GPM6A: variants seen among roughly 807,000 people sequenced by gnomAD.
GPM6A encodes the protein neuronal membrane glycoprotein M6-a.
Under a neutral mutation model 32.1 loss-of-function variants are expected in GPM6A, and 7 were observed. The observed-to-expected ratio is 0.22, with a 90% CI of 0.12 to 0.41. The LOEUF (loss-of-function observed/expected upper bound fraction) is 0.41, where lower values mean the gene tolerates loss of function less well. Ranked by LOEUF, GPM6A falls within the 10% of genes least tolerant of loss-of-function variation. The pLI, the probability that GPM6A is intolerant of heterozygous loss-of-function variation, is 1.00. For missense variants in GPM6A, 235 were observed against 347.2 expected, an observed-to-expected ratio of 0.68 and a Z score of 2.57; for synonymous variants, 130 against 123.4, an observed-to-expected ratio of 1.05 and a Z score of -0.35.
intron 1 of GPM6A, among the ~76,000 whole-genome samples, chr4:175,861,597 C>G (rs1049394748): frequency 1.3e-5 from 2 of 151,460 alleles, no homozygotes; most frequent in African/African-American, 4.8e-5. Context: ...ACTAAAAATA[C>G]AAAAATTAAC....
chr4:175,816,992 T>C (rs2111342392), upstream of GPM6A, among the ~76,000 whole-genome samples: 1 of 152,232 alleles, frequency 6.6e-6, no homozygotes, highest in African/African-American at 2.4e-5. Flanking sequence ...CCCGAGGAGC[T>C]GGGACTACAC....
At chr4:175,948,254 G>A (rs909691636) in intron 1 of GPM6A, among the ~76,000 whole-genome samples, 2 of 152,152 alleles carry the variant, frequency 1.3e-5, no homozygotes, top group Non-Finnish European at 2.9e-5. Context: ...GTATTAAGAG[G>A]TGAGACCTTT....
At chr4:175,846,947 A>T (rs1439294060) in intron 1 of GPM6A, among the ~76,000 whole-genome samples, 1 of 152,150 alleles carries the variant, frequency 6.6e-6, no homozygotes, top group Non-Finnish European at 1.5e-5. Flanking sequence ...GAGGTCAAAA[A>T]CAAATAAGAA....
intron 3 of GPM6A, among the ~76,000 whole-genome samples, chr4:175,655,285 G>A (rs867108009): frequency 6.6e-6 from 1 of 151,994 alleles, no homozygotes; most frequent in Non-Finnish European, 1.5e-5. Context: ...TCAGGGTGTA[G>A]CAGTTCACTA....
rs1049477880 is a variant in GPM6A, at chr4:175,745,482, A to G, written c.38-43715T>C. ...GTTAAACAAACATTTGTTGCCCACC[A>G]TGTGCCAAGCATTGGGCTGGATGCT... On this transcript the variant is annotated intron_variant, in intron 1 of 6. Coordinates refer to ENST00000393658, the MANE Select transcript of GPM6A (RefSeq NM_201591.3). 7.9e-5 allele frequency among the ~76,000 whole-genome samples: 12 copies of G among 152,310 alleles called. No homozygotes were observed. In the East Asian group the frequency reaches 1.9e-3, roughly 24 times the overall value.
intron 1 of GPM6A, among the ~76,000 whole-genome samples, chr4:175,765,383 A>G (rs1416208891): frequency 6.6e-6 from 1 of 152,144 alleles, no homozygotes; most frequent in Non-Finnish European, 1.5e-5. Flanking sequence ...GGAATCTCTT[A>G]AGAATTTATT....
intron 1 of GPM6A, among the ~76,000 whole-genome samples, chr4:175,932,281 G>A (rs1380536673): frequency 6.6e-6 from 1 of 152,056 alleles, no homozygotes; most frequent in African/African-American, 2.4e-5. Context: ...TCATGAAGGG[G>A]ATTAAGGCTC....
chr4:175,865,760 T>C (rs1736714561), intron 1 of GPM6A, among the ~76,000 whole-genome samples: 1 of 152,226 alleles, frequency 6.6e-6, no homozygotes, highest in African/African-American at 2.4e-5. Flanking sequence ...ATATAGAATA[T>C]TTTTGTCTAT....
chr4:175,986,472 C>T (rs1740978814), intron 1 of GPM6A, among the ~76,000 whole-genome samples: 1 of 152,150 alleles, frequency 6.6e-6, no homozygotes, highest in East Asian at 1.9e-4. Context: ...GAAGAGTCTG[C>T]ATTCTGCCCA....
upstream of GPM6A, chr4:175,812,301 GTTTTTTTTTT>G: frequency 1.3e-6 from 1 of 793,064 alleles, no homozygotes; most frequent in East Asian, 4.4e-5. Flanking sequence ...AAAACTGGGG[GTTTTTTTTTT>G]TTTTTTTTTT....
rs35485713 is a variant in GPM6A at position 175,715,719 on chromosome 4, CT to C, written c.38-13953del. Among the ~76,000 whole-genome samples the C allele has an allele frequency of 2.0e-3, 287 of 145,590 alleles. 2 individuals are homozygous for C. The highest frequency in any genetic ancestry group is 0.014 in the East Asian group (72 of 5,010). ...AATGTACTGTTTATCTTACTATTGACTTTTTTTTTTTTTGAATCTCTTCACT... is the reference window on the plus strand; with the variant it reads ...AATGTACTGTTTATCTTACTATTGACTTTTTTTTTTTTGAATCTCTTCACT... On this transcript the variant is annotated intron_variant, in intron 1 of 6. Transcript: ENST00000393658.
intron 1 of GPM6A, among the ~76,000 whole-genome samples, chr4:175,931,699 CACACACACACAT>C (rs1560999578): frequency 2.1e-5 from 3 of 145,838 alleles, no homozygotes; most frequent in Non-Finnish European, 4.5e-5. Context: ...CACACACACA[CACACACACACAT>C]ATATATATAT....
chr4:175,651,582 A>G (rs1741809016), intron 4 of GPM6A, among the ~76,000 whole-genome samples: 1 of 152,144 alleles, frequency 6.6e-6, no homozygotes, highest in African/African-American at 2.4e-5. Flanking sequence ...ACCTGTCAAT[A>G]TCAGGTAATG....
intron 1 of GPM6A, among the ~76,000 whole-genome samples, chr4:175,866,390 G>A (rs1420592497): frequency 6.6e-6 from 1 of 152,078 alleles, no homozygotes; most frequent in Admixed American, 6.6e-5. Flanking sequence ...GTATCATACA[G>A]AGCATTTTCA....
At chr4:175,923,520 T>C (rs185025557) in intron 1 of GPM6A, among the ~76,000 whole-genome samples, 1 of 151,232 alleles carries the variant, frequency 6.6e-6, no homozygotes, top group Admixed American at 6.6e-5. Context: ...TCCTGCAGTT[T>C]TGGGGTTTTT....
intron 1 of GPM6A, among the ~76,000 whole-genome samples, chr4:175,978,604 T>C (rs1008144803): frequency 6.6e-6 from 1 of 152,196 alleles, no homozygotes; most frequent in African/African-American, 2.4e-5. Flanking sequence ...TATTATTTTT[T>C]ACAATGAGTC....
chr4:175,800,111 C>T (rs552832913), intron 1 of GPM6A, among the ~76,000 whole-genome samples: 1 of 151,906 alleles, frequency 6.6e-6, no homozygotes, highest in Non-Finnish European at 1.5e-5. Context: ...TATATGGATT[C>T]CAAAGTGGTT....
intron 1 of GPM6A, among the ~76,000 whole-genome samples, chr4:175,728,408 T>G (rs1180008025): frequency 2.0e-5 from 3 of 152,236 alleles, no homozygotes; most frequent in African/African-American, 7.2e-5. Context: ...ATAGAGCTTC[T>G]GAAGCCGGAG....
At chr4:175,725,391 A>G (rs533087729) in intron 1 of GPM6A, among the ~76,000 whole-genome samples, 1 of 151,692 alleles carries the variant, frequency 6.6e-6, no homozygotes, top group Admixed American at 6.6e-5. Flanking sequence ...TCTTGGGCTC[A>G]AGTGATCTTA....
Sources: gnomAD v4.1 joint callset for allele counts (sites outside exome capture counted in the v4.1 genomes callset) on GRCh38, gnomAD v4.1.1 for gene constraint, MANE v1.5 for transcripts, NCBI Gene and HGNC (gene_info 2026-07-23, HGNC 2026-07-21) for gene names.